Variants in DARS2 observed in about 807,000 individuals in gnomAD.
The protein encoded by DARS2 is aspartate--tRNA ligase, mitochondrial.
A neutral mutation model predicts 83.0 loss-of-function variants in DARS2; 63 were observed. The observed-to-expected ratio is 0.76, with a 90% CI of 0.62 to 0.94. The LOEUF (loss-of-function observed/expected upper bound fraction) is 0.94, where lower values mean the gene tolerates loss of function less well. Among genes scored for constraint, DARS2 ranks in the 40% least tolerant of loss-of-function variants. The pLI is 0.00. For synonymous variants in DARS2, 250 were observed against 269.3 expected (o/e 0.93, Z 0.70); for missense variants, 675 against 774.4 (o/e 0.87, Z 1.52).
At chr1:173,832,768 C>CAAA (rs5779442) in intron 5 of DARS2, among the ~76,000 whole-genome samples, 1 of 103,726 alleles carries the variant, frequency 9.6e-6, no homozygotes, top group African/African-American at 3.3e-5. Context: ...GACTCCATCT[C>CAAA]AAAAAAAAAA....
rs1341936778 is a variant in DARS2 at position 173,853,330 on chromosome 1, T to G, written c.1345-19T>G. 6.2e-7 allele frequency: 1 copy of G among 1,611,256 alleles called. No homozygotes were observed. The highest frequency in any genetic ancestry group is 8.5e-7 in the Non-Finnish European group (1 of 1,178,624). On this transcript the variant is annotated intron_variant, in intron 13 of 16. Coordinates refer to ENST00000649689, the MANE Select transcript of DARS2 (RefSeq NM_018122.5). ...CTCTGTCAAGAAGTTAACTCAATGT[T>G]TACGTCTTCTGTTTGCAGTGCTCTT...
Position 173,839,668 on chromosome 1 carries a change from T to G in DARS2, c.1020+122T>G, listed in dbSNP as rs1401438472. 3.3e-6 allele frequency: 3 copies of G among 908,768 alleles called. No individual in the cohort carries two copies. The African/African-American group carries it at 4.9e-5, about 15-fold the overall frequency. 56.3% of individuals were successfully genotyped at this position (908,768 alleles called of 1,614,324 possible). On this transcript the variant is annotated intron_variant, in intron 10 of 16. Coordinates refer to ENST00000649689, the MANE Select transcript of DARS2 (RefSeq NM_018122.5). ...ATATTTTTGTTGTTACCTTGTTACCTTCGTTGTTACAGAGCTAGAGCAAGA... is the reference window on the plus strand; with the variant it reads ...ATATTTTTGTTGTTACCTTGTTACCGTCGTTGTTACAGAGCTAGAGCAAGA...
At chr1:173,834,732 GTTTTT>G in intron 7 of DARS2, among the ~76,000 whole-genome samples, 2 of 21,696 alleles carry the variant, frequency 9.2e-5, no homozygotes, top group Admixed American at 1.3e-3. Flanking sequence ...GAGTTTTTTT[GTTTTT>G]TTTTTTTTTT....
intron 8 of DARS2, among the ~76,000 whole-genome samples, 187 bp from the exon 9 acceptor site, chr1:173,838,003 G>A (rs953170390): frequency 1.3e-5 from 2 of 152,154 alleles, no homozygotes; most frequent in African/African-American, 4.8e-5. Context: ...TTGAACGCCT[G>A]ACCTCATGAT....
Position 173,842,284 on chromosome 1 carries a change from C to CTTTTTTTTTTTTTT in DARS2, c.1128+1331_1128+1344dup, listed in dbSNP as rs1178547914. On this transcript the variant is annotated intron_variant, in intron 11 of 16. Coordinates refer to ENST00000649689, the MANE Select transcript of DARS2 (RefSeq NM_018122.5). ...CTCAGGAACTCAGTCTCATTACTTT[C>CTTTTTTTTTTTTTT]TTTTTTTTTTTTTTTTTTTTTTTTT... 1.7e-3 allele frequency among the ~76,000 whole-genome samples: 111 copies of CTTTTTTTTTTTTTT among 64,256 alleles called. 23 individuals carry two copies. Among genetic ancestry groups the CTTTTTTTTTTTTTT allele is most frequent in the East Asian group, 2.6e-3 (6 of 2,304 alleles). The allele number at this position is 64,256 out of a possible 152,430, so 42.2% of individuals were successfully genotyped here.
At chr1:173,843,167 A>C (rs1433461257) in intron 11 of DARS2, among the ~76,000 whole-genome samples, 2 of 152,176 alleles carry the variant, frequency 1.3e-5, no homozygotes, top group African/African-American at 4.8e-5. Flanking sequence ...GATATGTGGC[A>C]TATGGGAGAA....
In DARS2 at chr1:173,830,728, A is replaced by G; in HGVS notation, c.363A>G (p.Thr121=). Reference sequence around the variant, plus strand: ...AATCTGTGGTGCAAGTGTCTGGTACAGTCATTTCCCGTCCTGCAGGACAAG... The same window carrying G: ...AATCTGTGGTGCAAGTGTCTGGTACGGTCATTTCCCGTCCTGCAGGACAAG... ...PVESVVQVSG[T]VISRPAGQEN... Residue 121 remains threonine, a synonymous_variant, in exon 4 of 17, where the codon ACA becomes ACG. Transcript: ENST00000649689. The G allele has an allele frequency of 1.2e-6, 2 of 1,614,048 alleles. No individual in the cohort carries two copies. The highest frequency in any genetic ancestry group is 1.7e-5 in the Admixed American group (1 of 60,012).
Position 173,850,440 on chromosome 1 carries a change from A to G in DARS2, c.1305A>G (p.Glu435=), listed in dbSNP as rs763171850. The part of the protein sequence containing the change: ...ELIRLMETQE[E]DVVLLTAGEH... ...TCAGACTAATGGAGACCCAAGAGGA[A>G]GATGTGGTCCTACTAACTGCTGGAG... The change falls in exon 13 of 17, where the codon GAA becomes GAG. Residue 435 remains glutamate, a synonymous_variant. Transcript: ENST00000649689. 2 of 1,614,024 alleles carry G rather than the reference A, an allele frequency of 1.2e-6. No homozygotes were observed. The highest frequency in any genetic ancestry group is 1.7e-5 in the Admixed American group (1 of 60,022).
At chr1:173,831,779 C>A in intron 5 of DARS2, 149 bp downstream of exon 5, 1 of 680,892 alleles carries the variant, frequency 1.5e-6, no homozygotes, top group Admixed American at 2.5e-5. Context: ...CTTAGTTCTA[C>A]AACTTCTTGG....
intron 13 of DARS2, 83 bp downstream of exon 13, chr1:173,850,562 CT>C: frequency 1.5e-6 from 2 of 1,343,404 alleles, no homozygotes; most frequent in East Asian, 2.5e-5. Flanking sequence ...TACGTTTGAA[CT>C]GTAGACTGTT....
At chr1:173,836,543 CAAAA>C (rs749404243) in intron 7 of DARS2, among the ~76,000 whole-genome samples, 21 of 109,612 alleles carry the variant, frequency 1.9e-4, no homozygotes, top group African/African-American at 6.5e-4. Flanking sequence ...GATTCTGTCT[CAAAA>C]AAAAAAAAAA....
intron 11 of DARS2, 87 bp downstream of exon 11, chr1:173,841,060 G>T (rs1653183891): frequency 1.1e-6 from 1 of 885,056 alleles, no homozygotes; most frequent in Admixed American, 1.8e-5. Context: ...ACTTCAGAAA[G>T]AACAATTCTT....
intron 12 of DARS2, among the ~76,000 whole-genome samples, chr1:173,846,588 T>C (rs984059433): frequency 6.7e-6 from 1 of 150,322 alleles, no homozygotes; most frequent in African/African-American, 2.5e-5. Context: ...AGCCCAGAAG[T>C]TTGAGACCAG....
Position 173,857,845 on chromosome 1 carries a change from C to G in DARS2, c.*140C>G. ...AAGGAATCCAGGCAACATTCTTCAC[C>G]ACAACGAAGAAACAGATAAAAGATA... On this transcript the variant is annotated 3_prime_UTR_variant, in exon 17 of 17. Coordinates refer to ENST00000649689, the MANE Select transcript of DARS2 (RefSeq NM_018122.5). 1 of 897,388 alleles carries G rather than the reference C, an allele frequency of 1.1e-6. No homozygotes were observed. Among genetic ancestry groups the G allele is most frequent in the Non-Finnish European group, 1.8e-6 (1 of 567,520 alleles). The allele number at this position is 897,388 out of a possible 1,614,324, so 55.6% of individuals were successfully genotyped here.
At chr1:173,826,393 G>C (rs1035808771) in intron 1 of DARS2, among the ~76,000 whole-genome samples, 2 of 152,084 alleles carry the variant, frequency 1.3e-5, no homozygotes, top group Non-Finnish European at 2.9e-5. Context: ...ATTAAGAATT[G>C]GGTAATTAGG....
chr1:173,831,664 C>T (rs758808857), intron 5 of DARS2, 34 bp downstream of exon 5: 2 of 1,515,550 alleles, frequency 1.3e-6, no homozygotes, highest in South Asian at 2.3e-5. Context: ...AATAGAGTAT[C>T]TAGAAAATGT....
intron 11 of DARS2, among the ~76,000 whole-genome samples, chr1:173,841,836 T>A (rs1653223388): frequency 6.6e-6 from 1 of 152,164 alleles, no homozygotes; most frequent in African/African-American, 2.4e-5. Context: ...TATGAAGTAC[T>A]CCTGTACTTC....
At position 173,825,364 on chromosome 1, in the gene DARS2, T is replaced by C. The variant is rs1424032106; in HGVS notation, c.127+8T>C. On this transcript the variant is annotated splice_region_variant and intron_variant, in intron 1 of 16. Coordinates refer to ENST00000649689, the MANE Select transcript of DARS2 (RefSeq NM_018122.5). ...CACAGAGGAGAATTCCAGGTGAAAA[T>C]AGCGAAGAGATCTATCCTATGAACA... The C allele has an allele frequency of 8.1e-6, 13 of 1,612,106 alleles. No homozygotes were observed. The South Asian group carries it at 1.4e-4, about 18-fold the overall frequency.
chr1:173,833,486 C>T lies in DARS2; in HGVS notation c.603C>T (p.Leu201=), dbSNP rs1652870059. The change falls in exon 6 of 17, where the codon CTC becomes CTT. Residue 201 remains leucine (L), a synonymous_variant. Coordinates refer to ENST00000649689, the MANE Select transcript of DARS2 (RefSeq NM_018122.5). ...TGGTCATGAAAATGCGGGAATATCT[C>T]TGTAATCTGCATGGTAAGAGAAATG... ...SQMVMKMREY[L]CNLHGFVDIE... is the part of the protein sequence containing the mutation. 1.9e-6 allele frequency: 3 copies of T among 1,614,104 alleles called. No homozygotes were observed. The highest frequency in any genetic ancestry group is 3.3e-4 in the Middle Eastern group (2 of 6,062).
Sources: allele counts gnomAD v4.1 joint callset (sites outside exome capture counted in the v4.1 genomes callset), GRCh38; gene constraint gnomAD v4.1.1; transcripts MANE v1.5; gene names NCBI Gene and HGNC (gene_info 2026-07-23, HGNC 2026-07-21).